RAD50: variants seen among roughly 807,000 people sequenced by gnomAD.
The protein encoded by RAD50 is DNA repair protein RAD50.
RAD50 carries 132 observed loss-of-function variants against 168.8 expected under a neutral mutation model. The observed-to-expected ratio is 0.78, with a 90% CI of 0.68 to 0.90. The LOEUF is 0.90. Ranked by LOEUF, RAD50 falls within the 40% of genes least tolerant of loss-of-function variation. RAD50 has a pLI of 0.00. For missense variants in RAD50, 1,347 were observed against 1,534.4 expected, an observed-to-expected ratio of 0.88 and a Z score of 2.04; for synonymous variants, 525 against 497.4, an observed-to-expected ratio of 1.06 and a Z score of -0.74.
intron 12 of RAD50, 142 bp from the exon 13 acceptor site, chr5:132,595,431 A>G (rs1034229809): frequency 3.8e-6 from 2 of 531,086 alleles, no homozygotes; most frequent in African/African-American, 2.0e-5. Flanking sequence ...GGAATTTTAA[A>G]TATCAGAATT....
At chr5:132,592,502 A>T (rs1212637835) in intron 11 of RAD50, among the ~76,000 whole-genome samples, 2 of 152,168 alleles carry the variant, frequency 1.3e-5, no homozygotes, top group Non-Finnish European at 2.9e-5. Flanking sequence ...ATGAGCAGGA[A>T]CATTGTTGTG....
chr5:132,616,584 G>A (rs1751181871), intron 20 of RAD50, among the ~76,000 whole-genome samples: 3 of 152,144 alleles, frequency 2.0e-5, no homozygotes, highest in Admixed American at 6.5e-5. Context: ...TTTGAAAGAT[G>A]AGCCTCATTC....
intron 13 of RAD50, 114 bp from the exon 14 acceptor site, chr5:132,603,186 T>C (rs1750917637): frequency 3.2e-6 from 3 of 926,852 alleles, no homozygotes; most frequent in South Asian, 3.2e-5. Flanking sequence ...ACTGATATGA[T>C]ACCCTGAAAA....
intron 2 of RAD50, 73 bp from the exon 3 acceptor site, chr5:132,575,704 T>A: frequency 1.4e-6 from 2 of 1,445,832 alleles, no homozygotes; most frequent in South Asian, 2.3e-5. Context: ...TAAGATTGCT[T>A]ATGCCTTTTT....
At chr5:132,623,374 C>T (rs1751316806) in intron 21 of RAD50, among the ~76,000 whole-genome samples, 2 of 152,158 alleles carry the variant, frequency 1.3e-5, no homozygotes, top group South Asian at 2.1e-4. Flanking sequence ...GCCAGCTACT[C>T]AGGAGGCTGA....
At chr5:132,579,238 A>G in intron 3 of RAD50, 79 bp from the exon 4 acceptor site, 2 of 1,416,952 alleles carry the variant, frequency 1.4e-6, no homozygotes, top group South Asian at 1.2e-5. Flanking sequence ...TTAAAGAAGT[A>G]CAGTATGAAT....
In RAD50 at chr5:132,603,263, A is replaced by G. The variant is rs374857094; in HGVS notation, c.2208-37A>G. 8 of 1,544,838 alleles carry G rather than the reference A, an allele frequency of 5.2e-6. No homozygotes were observed. The East Asian group carries it at 1.4e-4, about 27-fold the overall frequency. ...TAACCTCAGTCTAACTGTGAGAAACATCAGATACTTTATTTTTAATTGTGT... is the reference window on the plus strand; with the variant it reads ...TAACCTCAGTCTAACTGTGAGAAACGTCAGATACTTTATTTTTAATTGTGT... On this transcript the variant is annotated intron_variant, in intron 13 of 24. Coordinates refer to ENST00000378823, the MANE Select transcript of RAD50 (RefSeq NM_005732.4).
At chr5:132,561,497 T>C (rs980664301) in intron 2 of RAD50, among the ~76,000 whole-genome samples, 3 of 152,130 alleles carry the variant, frequency 2.0e-5, no homozygotes, top group Admixed American at 1.3e-4. Flanking sequence ...CCAACCTGCT[T>C]GATTTCTAAA....
At chr5:132,617,926 A>G in intron 20 of RAD50, 144 bp from the exon 21 acceptor site, 1 of 741,788 alleles carries the variant, frequency 1.3e-6, no homozygotes, top group Non-Finnish European at 2.3e-6. Flanking sequence ...AGCCCTAAAT[A>G]ATAAGCAAGG....
At chr5:132,592,745 C>T (rs996596996) in intron 11 of RAD50, 1 of 446,684 alleles carries the variant, frequency 2.2e-6, no homozygotes, top group Non-Finnish European at 4.8e-6. Flanking sequence ...CCATTGCTTT[C>T]ATTGTGCTTT....
chr5:132,562,359 A>G (rs1196433314), intron 2 of RAD50, among the ~76,000 whole-genome samples: 3 of 152,170 alleles, frequency 2.0e-5, no homozygotes, highest in East Asian at 1.9e-4. Flanking sequence ...AGATTTTGTG[A>G]TGATCCAGGT....
In RAD50 at chr5:132,583,738, G is replaced by A. The variant is rs181760623; in HGVS notation, c.756+3672G>A. On this transcript the variant is annotated intron_variant, in intron 5 of 24. Coordinates refer to ENST00000378823, the MANE Select transcript of RAD50 (RefSeq NM_005732.4). ...GACGGAGTTTCACTCTTATTGCCCA[G>A]GCTGGAGTGCAATGGCATGATCTCG... is the stretch of plus-strand genomic sequence containing the variant. Among the ~76,000 whole-genome samples the A allele has an allele frequency of 1.4e-3, 197 of 145,136 alleles. 2 individuals are homozygous for A. The highest frequency in any genetic ancestry group is 9.0e-4 in the Non-Finnish European group (60 of 66,968).
intron 21 of RAD50, among the ~76,000 whole-genome samples, chr5:132,631,906 A>G (rs375457895): frequency 1.6e-3 from 243 of 152,140 alleles, no homozygotes; most frequent in African/African-American, 5.5e-3. Flanking sequence ...CAGCCTAAGT[A>G]ACTCTCACCT....
rs1554099356 is a variant in RAD50 at position 132,609,115 on chromosome 5, A to C, written c.2830-2A>C. 1 of 1,610,772 alleles carries C rather than the reference A, an allele frequency of 6.2e-7. No individual in the cohort carries two copies. Among genetic ancestry groups the C allele is most frequent in the Non-Finnish European group, 8.5e-7 (1 of 1,178,862 alleles). On this transcript the variant is annotated splice_acceptor_variant, in intron 17 of 24. Transcript: ENST00000378823. LOFTEE classifies it high-confidence loss of function. Reference sequence around the variant, plus strand: ...GTAAATTTAATGAATATTTTTCTACAGCTGAATGATATTAAAGAGAAGGTT... The same window carrying C: ...GTAAATTTAATGAATATTTTTCTACCGCTGAATGATATTAAAGAGAAGGTT...
At position 132,588,092 on chromosome 5, in the gene RAD50, A is replaced by G. The variant is rs1170953861; in HGVS notation, c.1051+3A>G. The G allele has an allele frequency of 1.2e-6, 2 of 1,608,516 alleles. No homozygotes were observed. The highest frequency in any genetic ancestry group is 1.7e-6 in the Non-Finnish European group (2 of 1,175,292). ...ATCAGAACTGCTTGTTGAACAGGGTAGGACAAAATGTTTATTTGGTCGTTT... is the reference window on the plus strand; with the variant it reads ...ATCAGAACTGCTTGTTGAACAGGGTGGGACAAAATGTTTATTTGGTCGTTT... On this transcript the variant is annotated splice_donor_region_variant and intron_variant, in intron 7 of 24. Coordinates refer to ENST00000378823, the MANE Select transcript of RAD50 (RefSeq NM_005732.4).
intron 21 of RAD50, among the ~76,000 whole-genome samples, chr5:132,628,535 G>A (rs1751407355): frequency 6.6e-6 from 1 of 152,070 alleles, no homozygotes; most frequent in Non-Finnish European, 1.5e-5. Flanking sequence ...TGGGTGGGGA[G>A]AGAATGGGTA....
At chr5:132,566,399 C>G (rs1750209087) in intron 2 of RAD50, among the ~76,000 whole-genome samples, 1 of 152,222 alleles carries the variant, frequency 6.6e-6, no homozygotes, top group Non-Finnish European at 1.5e-5. Flanking sequence ...ATTAAACCTT[C>G]AGCAGAATGC....
rs572533256 is a variant in RAD50, at chr5:132,603,990, G to A, written c.2468G>A (p.Arg823Gln). The A allele has an allele frequency of 4.2e-5, 68 of 1,613,492 alleles. No individual in the cohort carries two copies. In the South Asian group the frequency reaches 5.8e-4, roughly 14 times the overall value. The change falls in exon 15 of 25, where the codon CGA becomes CAA. Residue 823 changes from arginine to glutamine, a missense_variant. By Grantham distance (43) the Arg-to-Gln change is conservative (BLOSUM62 1). Transcript: ENST00000378823. ...AAKLQGIDLD[R>Q]TVQQVNQEKQ... ...AAGCTACAAGGAATAGACTTAGATC[G>A]AACTGTCCAACAAGTCAACCAGGAG... is the stretch of plus-strand genomic sequence containing the variant.
Position 132,603,379 on chromosome 5 carries a change from C to T in RAD50, c.2287C>T (p.Arg763Cys), listed in dbSNP as rs369996457. ...GCAGAATGTCAATAGAGACATACAG[C>T]GCCTAAAGAACGACATAGAAGAACA... is the stretch of plus-strand genomic sequence containing the variant. Reference protein sequence around the residue: ...KLQNVNRDIQRLKNDIEEQET... With the variant: ...KLQNVNRDIQCLKNDIEEQET... Residue 763 changes from arginine (R) to cysteine (C), a missense_variant, in exon 14 of 25, where the codon CGC becomes TGC. By Grantham distance (180) the Arg-to-Cys change is radical. Transcript: ENST00000378823. The T allele has an allele frequency of 5.0e-6, 8 of 1,613,640 alleles. No individual in the cohort carries two copies. The highest frequency in any genetic ancestry group is 2.2e-5 in the East Asian group (1 of 44,814).
Sources: gnomAD v4.1 joint callset for allele counts (sites outside exome capture counted in the v4.1 genomes callset) on GRCh38, gnomAD v4.1.1 for gene constraint, MANE v1.5 for transcripts, NCBI Gene and HGNC (gene_info 2026-07-23, HGNC 2026-07-21) for gene names.